Variants in AKAP6 observed in about 807,000 individuals in gnomAD.
AKAP6 encodes A-kinase anchor protein 6.
AKAP6 carries 58 observed loss-of-function variants against 188.5 expected under a neutral mutation model. The observed-to-expected ratio is 0.31, with a 90% CI of 0.25 to 0.38. The LOEUF (loss-of-function observed/expected upper bound fraction) is 0.38, where lower values mean the gene tolerates loss of function less well. Among genes scored for constraint, AKAP6 ranks in the 10% least tolerant of loss-of-function variants. The pLI is 1.00. For missense variants in AKAP6, 2,710 were observed against 2,740.0 expected, an observed-to-expected ratio of 0.99 and a Z score of 0.24; for synonymous variants, 989 against 998.6, an observed-to-expected ratio of 0.99 and a Z score of 0.18.
chr14:32,637,205 G>T (rs988677915), intron 7 of AKAP6, among the ~76,000 whole-genome samples: 1 of 152,108 alleles, frequency 6.6e-6, no homozygotes, highest in Non-Finnish European at 1.5e-5. Context: ...ATAAATATTA[G>T]CTTATGATAT....
At chr14:32,817,911 T>G (rs1486506696) in intron 12 of AKAP6, among the ~76,000 whole-genome samples, 1 of 152,214 alleles carries the variant, frequency 6.6e-6, no homozygotes, top group Non-Finnish European at 1.5e-5. Context: ...GCAAATCTTT[T>G]TTTTCCCAAA....
intron 3 of AKAP6, among the ~76,000 whole-genome samples, chr14:32,539,551 C>T (rs1409075312): frequency 6.6e-6 from 1 of 152,054 alleles, no homozygotes; most frequent in African/African-American, 2.4e-5. Context: ...TACAGATAAT[C>T]CCTGCTTTAG....
At chr14:32,738,345 T>G (rs1277142176) in intron 11 of AKAP6, among the ~76,000 whole-genome samples, 1 of 152,164 alleles carries the variant, frequency 6.6e-6, no homozygotes, top group Non-Finnish European at 1.5e-5. Flanking sequence ...CATTACCAGC[T>G]AAAGAAGGCC....
chr14:32,507,225 C>T (rs1412010238), intron 2 of AKAP6, among the ~76,000 whole-genome samples: 1 of 152,158 alleles, frequency 6.6e-6, no homozygotes, highest in Non-Finnish European at 1.5e-5. Flanking sequence ...TATAGAATTA[C>T]TTATAGAAAA....
chr14:32,331,357 A>G (rs979965259), intron 1 of AKAP6, among the ~76,000 whole-genome samples: 232 of 152,152 alleles, frequency 1.5e-3, no homozygotes, highest in African/African-American at 3.7e-3. Context: ...TGTTAGAAAA[A>G]GTGGAGTCAT....
intron 11 of AKAP6, among the ~76,000 whole-genome samples, chr14:32,748,753 G>T (rs1264221555): frequency 6.6e-6 from 1 of 152,132 alleles, no homozygotes; most frequent in Non-Finnish European, 1.5e-5. Flanking sequence ...TTTTGGGGTG[G>T]TAAAAACCAA....
chr14:32,635,979 T>G (rs777790720), intron 7 of AKAP6, among the ~76,000 whole-genome samples: 4 of 152,102 alleles, frequency 2.6e-5, no homozygotes, highest in African/African-American at 4.8e-5. Context: ...AATCCACTAT[T>G]AAGCTTACTG....
intron 9 of AKAP6, among the ~76,000 whole-genome samples, chr14:32,722,034 C>T (rs2030565805): frequency 6.6e-6 from 1 of 152,196 alleles, no homozygotes; most frequent in African/African-American, 2.4e-5. Context: ...CCCAGTCTGA[C>T]CTCTGAGGTC....
At chr14:32,588,674 A>G (rs554472593) in intron 5 of AKAP6, among the ~76,000 whole-genome samples, 9 of 152,306 alleles carry the variant, frequency 5.9e-5, no homozygotes, top group African/African-American at 2.2e-4. Flanking sequence ...CCAAATTCCT[A>G]CAGACAGTGC....
rs183974581 is a variant in AKAP6 at position 32,825,325 on chromosome 14, G to A, written c.*42+510G>A. On this transcript the variant is annotated intron_variant, in intron 13 of 13. Coordinates refer to ENST00000280979, the MANE Select transcript of AKAP6 (RefSeq NM_004274.5). ...AACTATCGTCACATTTGCTTCCCCA[G>A]TGGAAGACTGTGCTGTCACAACTCC... Among the ~76,000 whole-genome samples, 484 of 152,254 alleles carry A rather than the reference G, an allele frequency of 3.2e-3. 2 individuals carry two copies. Among genetic ancestry groups the A allele is most frequent in the Non-Finnish European group, 3.9e-3 (267 of 68,010 alleles).
At chr14:32,764,320 C>T (rs2032636304) in intron 11 of AKAP6, among the ~76,000 whole-genome samples, 1 of 152,170 alleles carries the variant, frequency 6.6e-6, no homozygotes, top group Non-Finnish European at 1.5e-5. Context: ...TATAACCACC[C>T]TGAGCTTAAA....
chr14:32,526,269 G>T (rs1197299914), intron 2 of AKAP6, among the ~76,000 whole-genome samples: 1 of 152,052 alleles, frequency 6.6e-6, no homozygotes, highest in African/African-American at 2.4e-5. Flanking sequence ...GCCTTGCCCT[G>T]TCGCCCAGGT....
At chr14:32,386,206 A>G (rs1452743680) in intron 1 of AKAP6, among the ~76,000 whole-genome samples, 1 of 152,032 alleles carries the variant, frequency 6.6e-6, no homozygotes, top group Non-Finnish European at 1.5e-5. Context: ...TGGTTGTGCT[A>G]GTTTACATTC....
intron 1 of AKAP6, among the ~76,000 whole-genome samples, chr14:32,332,296 T>C (rs1886558161): frequency 6.6e-6 from 1 of 152,116 alleles, no homozygotes; most frequent in African/African-American, 2.4e-5. Flanking sequence ...CAGTCATCTA[T>C]ACTCTATCAC....
At chr14:32,769,037 ATTTTTTTTTTT>A (rs544997334) in intron 11 of AKAP6, among the ~76,000 whole-genome samples, 4 of 56,924 alleles carry the variant, frequency 7.0e-5, no homozygotes, top group South Asian at 9.8e-4. Context: ...TGCTCTTTTG[ATTTTTTTTTTT>A]TTTTTTTTTT....
intron 2 of AKAP6, among the ~76,000 whole-genome samples, chr14:32,449,521 C>CAAAAAAAA (rs33960351): frequency 3.8e-5 from 4 of 104,612 alleles, no homozygotes; most frequent in East Asian, 3.1e-4. Context: ...GACTCCATCT[C>CAAAAAAAA]AAAAAAAAAA....
intron 1 of AKAP6, among the ~76,000 whole-genome samples, chr14:32,337,941 G>A (rs1280159391): frequency 3.3e-5 from 5 of 152,016 alleles, no homozygotes; most frequent in Non-Finnish European, 5.9e-5. Flanking sequence ...GATTGCTTGA[G>A]CCTAGAAGGT....
chr14:32,534,593 T>G (rs1230583581), intron 2 of AKAP6, among the ~76,000 whole-genome samples: 7 of 152,216 alleles, frequency 4.6e-5, no homozygotes, highest in Non-Finnish European at 8.8e-5. Flanking sequence ...TTTGTCTTTT[T>G]TCATCTTTGG....
intron 7 of AKAP6, among the ~76,000 whole-genome samples, chr14:32,603,386 G>T (rs1886012160): frequency 6.6e-6 from 1 of 152,176 alleles, no homozygotes; most frequent in South Asian, 2.1e-4. Flanking sequence ...GGGCCAGTTT[G>T]AAGTGGACAC....
Sources: gnomAD v4.1 joint callset for allele counts (sites outside exome capture counted in the v4.1 genomes callset) on GRCh38, gnomAD v4.1.1 for gene constraint, MANE v1.5 for transcripts, NCBI Gene and HGNC (gene_info 2026-07-23, HGNC 2026-07-21) for gene names.